The following C10orf90 variants were observed in gnomAD, a reference collection of about 807,000 sequenced individuals.
C10orf90 encodes the protein (E2-independent) E3 ubiquitin-conjugating enzyme FATS.
Under a neutral mutation model 62.5 loss-of-function variants are expected in C10orf90, and 56 were observed. The ratio of observed to expected loss-of-function variants is 0.90; its 90% CI spans 0.72 to 1.12. The LOEUF (loss-of-function observed/expected upper bound fraction) is 1.12, where lower values mean the gene tolerates loss of function less well. C10orf90 is among the 50% of genes most tolerant of loss of function. The pLI is 0.00. For synonymous variants in C10orf90, 386 were observed against 340.4 expected (o/e 1.13, Z -1.47); for missense variants, 970 against 880.4 (o/e 1.10, Z -1.29).
chr10:126,655,105 G>A (rs1000825455), intron 1 of C10orf90, among the ~76,000 whole-genome samples: 2 of 152,132 alleles, frequency 1.3e-5, no homozygotes, highest in African/African-American at 4.8e-5. Flanking sequence ...TGGATCATGA[G>A]GTCAGGAGAT....
At chr10:126,511,901 A>T (rs1243350596) in intron 3 of C10orf90, 1 of 151,952 alleles carries the variant, frequency 6.6e-6, no homozygotes, top group African/African-American at 2.4e-5. Context: ...TTCTGCATTT[A>T]CTCCTTTTAA....
chr10:126,665,798 A>G (rs1330750801), intron 1 of C10orf90, among the ~76,000 whole-genome samples: 1 of 152,170 alleles, frequency 6.6e-6, no homozygotes, highest in Non-Finnish European at 1.5e-5. Flanking sequence ...AGAGAGGCCA[A>G]TGTAGCTGGA....
chr10:126,654,585 C>A (rs1846355557), intron 1 of C10orf90, among the ~76,000 whole-genome samples: 1 of 152,186 alleles, frequency 6.6e-6, no homozygotes, highest in Non-Finnish European at 1.5e-5. Context: ...TAAGGCTGTT[C>A]TACTTTCTTA....
chr10:126,437,414 G>A (rs1161870436), intron 7 of C10orf90, among the ~76,000 whole-genome samples: 1 of 152,182 alleles, frequency 6.6e-6, no homozygotes, highest in Non-Finnish European at 1.5e-5. Flanking sequence ...TCTGTGGCTA[G>A]GCCAGTGGTC....
intron 2 of C10orf90, among the ~76,000 whole-genome samples, chr10:126,603,152 T>G (rs546468390): frequency 6.6e-6 from 1 of 151,316 alleles, no homozygotes; most frequent in Non-Finnish European, 1.5e-5. Context: ...TAGTCCGTTC[T>G]CACGCTGCTA....
At chr10:126,595,570 A>G (rs1845067098) in intron 2 of C10orf90, among the ~76,000 whole-genome samples, 1 of 152,144 alleles carries the variant, frequency 6.6e-6, no homozygotes, top group Non-Finnish European at 1.5e-5. Context: ...GGGGCAGAGG[A>G]AGGTGTGGTA....
chr10:126,482,975 G>A (rs555150188), intron 4 of C10orf90, among the ~76,000 whole-genome samples: 1 of 152,348 alleles, frequency 6.6e-6, no homozygotes, highest in African/African-American at 2.4e-5. Flanking sequence ...AGGTACTCTT[G>A]CTGAATAATA....
chr10:126,542,838 T>A lies in C10orf90; in HGVS notation c.314-28899A>T, dbSNP rs55939001. ...TGGCAGTATCTATTAAAATGTACAATGTACATACACATACCTTGTGATTCA... is the reference window on the plus strand; with the variant it reads ...TGGCAGTATCTATTAAAATGTACAAAGTACATACACATACCTTGTGATTCA... On this transcript the variant is annotated intron_variant, in intron 2 of 9. Transcript: ENST00000488181. 4.9e-3 allele frequency among the ~76,000 whole-genome samples: 746 copies of A among 152,298 alleles called. 8 individuals are homozygous for A. Among genetic ancestry groups the A allele is most frequent in the African/African-American group, 0.017 (716 of 41,562 alleles).
In C10orf90 at chr10:126,464,875, C is replaced by G; in HGVS notation, c.1646G>C (p.Gly549Ala). ...QKPTRHFLPI[G>A]DSSPSDDCLS... ...ACAGTCATCGCTTGGAGAGCTATCC[C>G]CAATGGGAAGGAAATGTCTAGTGGG... Residue 549 changes from glycine (G) to alanine (A), a missense_variant, in exon 5 of 10, where the codon GGG becomes GCG. Physicochemically the swap from Gly to Ala is moderately conservative, Grantham distance 60. Coordinates refer to ENST00000488181, the MANE Select transcript of C10orf90 (RefSeq NM_001350921.2). 6.2e-7 allele frequency: 1 copy of G among 1,614,156 alleles called. No individual in the cohort carries two copies. Among genetic ancestry groups the G allele is most frequent in the South Asian group, 1.1e-5 (1 of 91,070 alleles).
Position 126,611,131 on chromosome 10 carries a change from G to T in C10orf90, c.313+35434C>A, listed in dbSNP as rs528005023. ...CCAGAAAGAAATCCTGTACCCAATG[G>T]CAGCCACTCCCTCCCTATCCCCCTC... On this transcript the variant is annotated intron_variant, in intron 2 of 9. Coordinates refer to ENST00000488181, the MANE Select transcript of C10orf90 (RefSeq NM_001350921.2). Among the ~76,000 whole-genome samples, 4 of 152,026 alleles carry T rather than the reference G, an allele frequency of 2.6e-5. No individual in the cohort carries two copies. The South Asian group carries it at 8.3e-4, about 32-fold the overall frequency.
Position 126,429,706 on chromosome 10 carries a change from C to T in C10orf90, c.2252+81G>A, listed in dbSNP as rs1857461353. On this transcript the variant is annotated intron_variant, in intron 8 of 9. Coordinates refer to ENST00000488181, the MANE Select transcript of C10orf90 (RefSeq NM_001350921.2). ...TAAACATGGACCTAGAAGCAGTGGT[C>T]CCATTGGAGGGCACCTGAAGCCATC... The T allele has an allele frequency of 3.6e-6, 4 of 1,112,906 alleles. No individual in the cohort carries two copies. The South Asian group carries it at 5.3e-5, about 15-fold the overall frequency. The allele number at this position is 1,112,906 out of a possible 1,614,324, so 68.9% of individuals were successfully genotyped here. A position where few individuals can be genotyped will look rare whatever the true frequency, so the allele number is the denominator to read the frequency against.
Position 126,457,007 on chromosome 10 carries a change from A to G in C10orf90, c.2188+2033T>C, listed in dbSNP as rs141458668. Among the ~76,000 whole-genome samples, 334 of 152,196 alleles carry G rather than the reference A, an allele frequency of 2.2e-3. 2 individuals are homozygous for G. The South Asian group carries it at 0.024, about 11-fold the overall frequency. ...TTGCTTTTGTATTTTGCTTTTTCTG[A>G]GACAGGGTCTTGCTCTGTTGCCCAG... On this transcript the variant is annotated intron_variant, in intron 7 of 9. Transcript: ENST00000488181.
intron 2 of C10orf90, among the ~76,000 whole-genome samples, chr10:126,541,988 A>C (rs537617407): frequency 6.6e-6 from 1 of 152,262 alleles, no homozygotes; most frequent in African/African-American, 2.4e-5. Flanking sequence ...TTATTCCAAC[A>C]AAAAGGAATG....
intron 2 of C10orf90, among the ~76,000 whole-genome samples, chr10:126,523,270 G>T (rs1035780664): frequency 1.3e-5 from 2 of 152,194 alleles, no homozygotes; most frequent in East Asian, 3.9e-4. Context: ...CAGAGCAGGG[G>T]CACCAGACTC....
chr10:126,568,773 C>G (rs1049191451), intron 2 of C10orf90, among the ~76,000 whole-genome samples: 1 of 152,122 alleles, frequency 6.6e-6, no homozygotes, highest in African/African-American at 2.4e-5. Context: ...AAGGGGCTCA[C>G]AGCTCACAGT....
chr10:126,542,012 T>TG (rs1864387210), intron 2 of C10orf90, among the ~76,000 whole-genome samples: 1 of 152,190 alleles, frequency 6.6e-6, no homozygotes, highest in African/African-American at 2.4e-5. Flanking sequence ...CCGTGACACA[T>TG]GCTATTACAT....
rs748612043 is a variant in C10orf90 at position 126,448,055 on chromosome 10, A to G, written c.2188+10985T>C. On this transcript the variant is annotated intron_variant, in intron 7 of 9. Coordinates refer to ENST00000488181, the MANE Select transcript of C10orf90 (RefSeq NM_001350921.2). ...TTTTTTTTTTTTTTGTATTTTTAGT[A>G]GAGACGGGGTTTCACTATGTTGGCC... 1.0e-3 allele frequency among the ~76,000 whole-genome samples: 98 copies of G among 96,446 alleles called. 1 individual carries two copies. The highest frequency in any genetic ancestry group is 2.1e-3 in the Admixed American group (15 of 7,302). 63.3% of individuals were successfully genotyped at this position (96,446 alleles called of 152,430 possible). A position where few individuals can be genotyped will look rare whatever the true frequency, so the allele number is the denominator to read the frequency against.
At chr10:126,546,391 T>G (rs1000281839) in intron 2 of C10orf90, among the ~76,000 whole-genome samples, 10 of 152,192 alleles carry the variant, frequency 6.6e-5, no homozygotes, top group African/African-American at 2.4e-4. Flanking sequence ...TGCAGATCAC[T>G]TGGAGAGCCT....
intron 4 of C10orf90, among the ~76,000 whole-genome samples, chr10:126,503,557 A>G (rs1293412847): frequency 6.6e-6 from 1 of 152,236 alleles, no homozygotes; most frequent in African/African-American, 2.4e-5. Flanking sequence ...AGAAATCTGG[A>G]CACTTCCAAA....
Sources: allele counts gnomAD v4.1 joint callset (sites outside exome capture counted in the v4.1 genomes callset), GRCh38; gene constraint gnomAD v4.1.1; transcripts MANE v1.5; gene names NCBI Gene and HGNC (gene_info 2026-07-23, HGNC 2026-07-21).